The following RC3H1 variants were observed in gnomAD, a reference collection of about 807,000 sequenced individuals.
RC3H1 encodes the protein roquin-1.
In RC3H1, 50 loss-of-function variants were observed where a neutral mutation model predicts 138.2. The observed-to-expected ratio is 0.36, with a 90% CI of 0.29 to 0.46. The LOEUF is 0.46. Among genes scored for constraint, RC3H1 ranks in the 20% least tolerant of loss-of-function variants. The probability of loss-of-function intolerance (pLI) is 1.00; values close to 1 mark genes in which losing one functional copy is unlikely to be tolerated. For missense variants in RC3H1, 1,031 were observed against 1,388.1 expected (o/e 0.74, Z 4.09); for synonymous variants, 462 against 489.1 (o/e 0.94, Z 0.73).
intron 19 of RC3H1, among the ~76,000 whole-genome samples, 197 bp downstream of exon 19, chr1:173,941,068 C>A (rs1378474451): frequency 2.0e-5 from 3 of 152,158 alleles, no homozygotes; most frequent in Admixed American, 2.0e-4. Flanking sequence ...GATCTGCCCA[C>A]CTCGGCTTCC....
chr1:173,945,695 C>A (rs1000754127), intron 17 of RC3H1, among the ~76,000 whole-genome samples: 1 of 151,228 alleles, frequency 6.6e-6, no homozygotes, highest in Non-Finnish European at 1.5e-5. Context: ...CTATGTTTTA[C>A]TTTTTAAGTC....
intron 1 of RC3H1, among the ~76,000 whole-genome samples, chr1:174,003,389 A>T (rs1029561679): frequency 1.8e-4 from 23 of 128,798 alleles, no homozygotes; most frequent in African/African-American, 8.5e-4. Flanking sequence ...CTCCTATCAC[A>T]CACACACACA....
At chr1:173,956,976 C>T (rs990815752) in intron 13 of RC3H1, among the ~76,000 whole-genome samples, 13 of 151,834 alleles carry the variant, frequency 8.6e-5, no homozygotes, top group Admixed American at 5.3e-4. Flanking sequence ...TGCAGTGGTG[C>T]GATCTCGGCT....
At chr1:173,989,095 C>A (rs1041024320) in intron 2 of RC3H1, among the ~76,000 whole-genome samples, 6 of 152,190 alleles carry the variant, frequency 3.9e-5, no homozygotes, top group Admixed American at 3.9e-4. Flanking sequence ...GTGCTGCGAT[C>A]GAGGCTCACT....
rs535698345 is a variant in RC3H1, at chr1:173,992,354, C to T, written c.231+401G>A. 6.6e-5 allele frequency among the ~76,000 whole-genome samples: 10 copies of T among 152,182 alleles called. No individual in the cohort carries two copies. The South Asian group carries it at 2.1e-3, about 32-fold the overall frequency. On this transcript the variant is annotated intron_variant, in intron 2 of 19. Transcript: ENST00000367696. Reference sequence around the variant, plus strand: ...TAGAGACAGGATTTCACCATGTTGGCCAGGCCGGTCTCAAACACCTGACCT... The same window carrying T: ...TAGAGACAGGATTTCACCATGTTGGTCAGGCCGGTCTCAAACACCTGACCT...
intron 1 of RC3H1, among the ~76,000 whole-genome samples, chr1:174,021,249 A>C (rs1661951559): frequency 6.6e-6 from 1 of 152,148 alleles, no homozygotes; most frequent in South Asian, 2.1e-4. Flanking sequence ...TTTAAACATT[A>C]CAGTTTGTCT....
At chr1:173,962,692 C>T (rs1659934809) in intron 11 of RC3H1, among the ~76,000 whole-genome samples, 1 of 152,216 alleles carries the variant, frequency 6.6e-6, no homozygotes, top group African/African-American at 2.4e-5. Context: ...AACTCTGGAG[C>T]ACTGTTTGCT....
At chr1:173,942,241 CA>C (rs538784048) in intron 18 of RC3H1, among the ~76,000 whole-genome samples, 52 of 122,520 alleles carry the variant, frequency 4.2e-4, no homozygotes, top group East Asian at 2.1e-3. Context: ...GACTCCGCCT[CA>C]AAAAAAAAAA....
At chr1:174,012,816 A>C (rs1426198744) in intron 1 of RC3H1, among the ~76,000 whole-genome samples, 2 of 151,470 alleles carry the variant, frequency 1.3e-5, no homozygotes, top group Non-Finnish European at 2.9e-5. Flanking sequence ...AAGAAAAGAA[A>C]GAACTAGAAT....
chr1:174,015,249 CT>C (rs372400145), intron 1 of RC3H1, among the ~76,000 whole-genome samples: 10,830 of 139,658 alleles, frequency 0.078, 1,166 homozygotes, highest in African/African-American at 0.25. Flanking sequence ...AATTATAGGC[CT>C]TTTTTTTTTT....
intron 7 of RC3H1, among the ~76,000 whole-genome samples, chr1:173,975,027 G>C (rs537307033): frequency 1.3e-5 from 2 of 152,248 alleles, no homozygotes; most frequent in African/African-American, 4.8e-5. Context: ...GGATGGCAGG[G>C]GAGAGCTCAT....
intron 13 of RC3H1, among the ~76,000 whole-genome samples, chr1:173,954,479 C>T (rs983932926): frequency 1.1e-4 from 17 of 152,128 alleles, no homozygotes; most frequent in African/African-American, 4.1e-4. Context: ...TATAGCTACA[C>T]AGGAGGAATT....
chr1:173,947,498 A>T lies in RC3H1; in HGVS notation c.2608T>A (p.Phe870Ile). ...AETSDDDLIP[F>I]GDRPTVSRFG... ...CGAGACACTGTTGGTCGGTCTCCAA[A>T]TGGGATGAGGTCATCATCACTGGTT... Residue 870 changes from phenylalanine (F) to isoleucine (I), a missense_variant, in exon 15 of 20, where the codon TTT (phenylalanine) becomes ATT (isoleucine). Physicochemically the swap from Phe to Ile is conservative, Grantham distance 21 (BLOSUM62 0). Around this residue, in one of 7 missense-constraint regions of RC3H1, gnomAD observed 716 missense variants for 837.9 expected, o/e 0.85. Coordinates refer to ENST00000367696, the MANE Select transcript of RC3H1 (RefSeq NM_172071.4). 1 of 1,613,914 alleles carries T rather than the reference A, an allele frequency of 6.2e-7. No homozygotes were observed. Among genetic ancestry groups the T allele is most frequent in the Non-Finnish European group, 8.5e-7 (1 of 1,179,956 alleles).
intron 2 of RC3H1, among the ~76,000 whole-genome samples, chr1:173,989,947 C>T (rs1207642954): frequency 6.7e-5 from 10 of 149,720 alleles, no homozygotes; most frequent in East Asian, 5.9e-4. Context: ...AGGATGGTCT[C>T]GATCTCCTGA....
chr1:173,946,038 G>A (rs925967509), intron 17 of RC3H1, among the ~76,000 whole-genome samples: 1 of 151,920 alleles, frequency 6.6e-6, no homozygotes, highest in African/African-American at 2.4e-5. Flanking sequence ...GTATGGTGGT[G>A]TACATCTATA....
rs1484377594 is a variant in RC3H1, at chr1:173,931,436, G to A, written c.*7285C>T. 6.6e-6 allele frequency: 1 copy of A among 152,150 alleles called. No homozygotes were observed. The highest frequency in any genetic ancestry group is 2.4e-5 in the African/African-American group (1 of 41,426). The allele number at this position is 152,150 out of a possible 1,614,324, so 9.4% of individuals were successfully genotyped here. On this transcript the variant is annotated 3_prime_UTR_variant, in exon 20 of 20. Transcript: ENST00000367696. Reference sequence around the variant, plus strand: ...AAAGGAAATAGCATTTTAACAAAATGGGCATCTTTGATATAAACATGCACA... The same window carrying A: ...AAAGGAAATAGCATTTTAACAAAATAGGCATCTTTGATATAAACATGCACA...
chr1:173,961,579 C>G, intron 12 of RC3H1, 146 bp downstream of exon 12: 2 of 825,748 alleles, frequency 2.4e-6, no homozygotes, highest in Admixed American at 5.7e-5. Context: ...AAAAAAATAC[C>G]CAAATTATGA....
At position 173,970,563 on chromosome 1, in the gene RC3H1, C is replaced by T. The variant is rs1311164970; in HGVS notation, c.1276G>A (p.Gly426Arg). Residue 426 changes from glycine (G) to arginine (R), a missense_variant, in exon 9 of 20, where the codon GGA (glycine) becomes AGA (arginine). Coordinates refer to ENST00000367696, the MANE Select transcript of RC3H1 (RefSeq NM_172071.4). ...TYMCRDMKQR[G>R]GCPRGASCTF... ...CAGCTGGCCCCACGAGGGCATCCTCCTCTCTGCTTCATATCTCGACACATG... is the reference window on the plus strand; with the variant it reads ...CAGCTGGCCCCACGAGGGCATCCTCTTCTCTGCTTCATATCTCGACACATG... 1 of 1,614,016 alleles carries T rather than the reference C, an allele frequency of 6.2e-7. No homozygotes were observed. Among genetic ancestry groups the T allele is most frequent in the African/African-American group, 1.3e-5 (1 of 75,030 alleles).
intron 1 of RC3H1, among the ~76,000 whole-genome samples, chr1:173,993,885 T>C (rs1185928084): frequency 6.7e-6 from 1 of 149,760 alleles, no homozygotes; most frequent in African/African-American, 2.5e-5. Context: ...CCAGGCGTGG[T>C]GGCAGGCGCC....
Sources: allele counts gnomAD v4.1 joint callset (sites outside exome capture counted in the v4.1 genomes callset), GRCh38; gene constraint gnomAD v4.1.1; regional missense constraint gnomAD v4.1.1; transcripts MANE v1.5; gene names NCBI Gene and HGNC (gene_info 2026-07-23, HGNC 2026-07-21).